The following DSE variants were observed in gnomAD, a reference collection of about 807,000 sequenced individuals.
DSE encodes the protein dermatan sulfate epimerase, also known as dermatan-sulfate epimerase.
A neutral mutation model predicts 84.4 loss-of-function variants in DSE; 36 were observed. That is an observed-to-expected ratio of 0.43 (90% CI 0.33 to 0.56). The LOEUF (loss-of-function observed/expected upper bound fraction) is 0.56, where lower values mean the gene tolerates loss of function less well. Ranked by LOEUF, DSE falls within the 20% of genes least tolerant of loss-of-function variation. The pLI is 0.06. For synonymous variants in DSE, 410 were observed against 430.1 expected (o/e 0.95, Z 0.58); for missense variants, 862 against 1,169.6 (o/e 0.74, Z 3.84).
chr6:116,401,574 T>A (rs1583176239), intron 2 of DSE, among the ~76,000 whole-genome samples: 1 of 152,156 alleles, frequency 6.6e-6, no homozygotes, highest in Non-Finnish European at 1.5e-5. Flanking sequence ...TTTTGGCAGG[T>A]ACTATTATTA....
chr6:116,408,830 A>G (rs1383805728), intron 2 of DSE, among the ~76,000 whole-genome samples: 1 of 152,188 alleles, frequency 6.6e-6, no homozygotes, highest in Non-Finnish European at 1.5e-5. Context: ...ACATGCATGT[A>G]ATGTCCATGT....
intron 2 of DSE, among the ~76,000 whole-genome samples, chr6:116,348,387 A>G (rs1187605367): frequency 1.3e-5 from 2 of 151,944 alleles, no homozygotes. Context: ...AGATCGTGCC[A>G]CTGCACTCTA....
chr6:116,429,755 T>C (rs1783693258), intron 3 of DSE, among the ~76,000 whole-genome samples: 2 of 20,080 alleles, frequency 1.0e-4, no homozygotes, highest in East Asian at 5.0e-4. Context: ...GAGACCATCC[T>C]GGCTAACACG....
chr6:116,410,390 G>T (rs1562292018), intron 2 of DSE, among the ~76,000 whole-genome samples: 1 of 152,012 alleles, frequency 6.6e-6, no homozygotes, highest in African/African-American at 2.4e-5. Flanking sequence ...GCATCTCTAG[G>T]CATTATCATT....
upstream of DSE, chr6:116,370,211 C>A (rs576092909): frequency 4.9e-4 from 121 of 245,952 alleles, 1 homozygote; most frequent in Middle Eastern, 1.6e-3. Flanking sequence ...ACACACACAC[C>A]CCCCCACCGC....
At chr6:116,278,389 G>C (rs1731502875) in intron 2 of DSE, 2 of 1,233,606 alleles carry the variant, frequency 1.6e-6, no homozygotes, top group South Asian at 2.6e-5. Context: ...ATATCCAAAG[G>C]AAACAGGGTG....
chr6:116,266,990 A>G (rs1184322004), intron 2 of DSE, among the ~76,000 whole-genome samples: 1 of 152,210 alleles, frequency 6.6e-6, no homozygotes, highest in East Asian at 1.9e-4. Context: ...AGCCTGAGTA[A>G]TGCTGTAGCC....
chr6:116,278,772 A>G lies in DSE; in HGVS notation c.-54+19805A>G, dbSNP rs768196964. Reference sequence around the variant, plus strand: ...CATGCCCCCTGCGCCATATAATTGGAGTAGAAAGAGACACCACTCGGCCGG... The same window carrying G: ...CATGCCCCCTGCGCCATATAATTGGGGTAGAAAGAGACACCACTCGGCCGG... On this transcript the variant is annotated intron_variant, in intron 2 of 3. Coordinates refer to the DSE transcript ENST00000430252. 3.1e-5 allele frequency: 50 copies of G among 1,614,080 alleles called. No homozygotes were observed. In the South Asian group the frequency reaches 5.5e-4, roughly 18 times the overall value.
chr6:116,441,081 T>C lies in DSE; in HGVS notation c.*3736T>C, dbSNP rs931543487. 6.6e-6 allele frequency: 1 copy of C among 152,212 alleles called. No individual in the cohort carries two copies. Among genetic ancestry groups the C allele is most frequent in the Non-Finnish European group, 1.5e-5 (1 of 68,022 alleles). 9.4% of individuals were successfully genotyped at this position (152,212 alleles called of 1,614,324 possible). A position where few individuals can be genotyped will look rare whatever the true frequency, so the allele number is the denominator to read the frequency against. ...TTTTCAGCAATGTTTCAGCTAGATA[T>C]TTGCTTTATGCATGTAATGTCAATG... On this transcript the variant is annotated 3_prime_UTR_variant, in exon 6 of 6. Coordinates refer to ENST00000644252, the MANE Select transcript of DSE (RefSeq NM_013352.4).
chr6:116,278,061 T>C, intron 2 of DSE: 1 of 176,498 alleles, frequency 5.7e-6, no homozygotes, highest in Admixed American at 5.4e-5. Context: ...GCTCACTGCT[T>C]TTCTCCTCTG....
chr6:116,260,348 G>T (rs1772359556), intron 2 of DSE, among the ~76,000 whole-genome samples: 1 of 151,478 alleles, frequency 6.6e-6, no homozygotes, highest in African/African-American at 2.4e-5. Context: ...GTTTTTTCTT[G>T]TGAATTTAAG....
chr6:116,403,221 C>G (rs1210174292), intron 2 of DSE, among the ~76,000 whole-genome samples: 1 of 152,100 alleles, frequency 6.6e-6, no homozygotes, highest in African/African-American at 2.4e-5. Flanking sequence ...CCCCGTTTCT[C>G]TCCCTTTTGC....
At chr6:116,300,182 G>A (rs1015638422) in intron 2 of DSE, among the ~76,000 whole-genome samples, 29 of 152,248 alleles carry the variant, frequency 1.9e-4, no homozygotes, top group African/African-American at 6.7e-4. Flanking sequence ...TACTTCCAGA[G>A]TTTGCCATAG....
chr6:116,271,835 G>T (rs139163098), intron 2 of DSE, among the ~76,000 whole-genome samples: 1 of 151,890 alleles, frequency 6.6e-6, no homozygotes, highest in Non-Finnish European at 1.5e-5. Context: ...TATTTATTGA[G>T]GTATAATTTA....
Position 116,438,430 on chromosome 6 carries a change from A to G in DSE, c.*1085A>G, listed in dbSNP as rs988355560. 2.0e-5 allele frequency: 3 copies of G among 152,154 alleles called. No homozygotes were observed. Among genetic ancestry groups the G allele is most frequent in the East Asian group, 1.9e-4 (1 of 5,192 alleles). 9.4% of individuals were successfully genotyped at this position (152,154 alleles called of 1,614,324 possible). On this transcript the variant is annotated 3_prime_UTR_variant, in exon 6 of 6. Coordinates refer to ENST00000644252, the MANE Select transcript of DSE (RefSeq NM_013352.4). Reference sequence around the variant, plus strand: ...AAAAGAAGTATTTTCTCTGCTTATTAACCTTAATTGTTGTTTAAGCATATT... The same window carrying G: ...AAAAGAAGTATTTTCTCTGCTTATTGACCTTAATTGTTGTTTAAGCATATT...
At chr6:116,407,069 A>G (rs1781977444) in intron 2 of DSE, among the ~76,000 whole-genome samples, 1 of 152,220 alleles carries the variant, frequency 6.6e-6, no homozygotes, top group Admixed American at 6.5e-5. Flanking sequence ...GATCAGATAT[A>G]GGACACTCTT....
upstream of DSE, among the ~76,000 whole-genome samples, chr6:116,368,744 G>A (rs1415632887): frequency 6.6e-6 from 1 of 152,238 alleles, no homozygotes; most frequent in Non-Finnish European, 1.5e-5. Flanking sequence ...ATCAGGGTTT[G>A]AGAGAGATGT....
At chr6:116,363,313 A>G (rs1342835207) in intron 2 of DSE, among the ~76,000 whole-genome samples, 3 of 151,996 alleles carry the variant, frequency 2.0e-5, no homozygotes, top group South Asian at 4.1e-4. Flanking sequence ...TACTTGCCAC[A>G]TGTTTAATGA....
chr6:116,314,787 A>G (rs1349676108), intron 2 of DSE, among the ~76,000 whole-genome samples: 1 of 152,208 alleles, frequency 6.6e-6, no homozygotes, highest in African/African-American at 2.4e-5. Flanking sequence ...TAGATAACCC[A>G]TTATGTGAAC....
Sources: gnomAD v4.1 joint callset for allele counts (sites outside exome capture counted in the v4.1 genomes callset) on GRCh38, gnomAD v4.1.1 for gene constraint, MANE v1.5 for transcripts, NCBI Gene and HGNC (gene_info 2026-07-23, HGNC 2026-07-21) for gene names.